KCNIP4: variants seen among roughly 807,000 people sequenced by gnomAD.
KCNIP4 encodes the protein potassium voltage-gated channel interacting protein 4, also known as Kv channel-interacting protein 4.
A neutral mutation model predicts 34.0 loss-of-function variants in KCNIP4; 12 were observed. That is an observed-to-expected ratio of 0.35 (90% confidence interval 0.23 to 0.57). KCNIP4 has a LOEUF of 0.57. Ranked by LOEUF, KCNIP4 falls within the 20% of genes least tolerant of loss-of-function variation. The pLI is 0.83. For synonymous variants in KCNIP4, 124 were observed against 102.2 expected, an observed-to-expected ratio of 1.21 and a Z score of -1.29; for missense variants, 238 against 311.7, an observed-to-expected ratio of 0.76 and a Z score of 1.78.
intron 1 of KCNIP4, among the ~76,000 whole-genome samples, chr4:21,689,198 A>C (rs182547733): frequency 6.6e-6 from 1 of 152,286 alleles, no homozygotes; most frequent in African/African-American, 2.4e-5. Context: ...AAGGCAAGTG[A>C]GTTTAAAAAT....
chr4:20,919,809 A>C (rs1729215561), intron 1 of KCNIP4, among the ~76,000 whole-genome samples: 1 of 151,794 alleles, frequency 6.6e-6, no homozygotes, highest in South Asian at 2.1e-4. Flanking sequence ...CAATAAATGT[A>C]TTTCTTTAAA....
intron 3 of KCNIP4, among the ~76,000 whole-genome samples, chr4:20,818,345 A>G (rs528922606): frequency 6.6e-6 from 1 of 152,314 alleles, no homozygotes; most frequent in African/African-American, 2.4e-5. Flanking sequence ...TTTAACCCAA[A>G]ATGACAGTCT....
intron 1 of KCNIP4, among the ~76,000 whole-genome samples, chr4:21,362,173 T>C (rs960174902): frequency 2.0e-5 from 3 of 152,092 alleles, no homozygotes; most frequent in African/African-American, 7.2e-5. Context: ...CAAAGAAATA[T>C]GTAAAATTCA....
At chr4:20,915,095 T>C (rs1020832032) in intron 1 of KCNIP4, among the ~76,000 whole-genome samples, 1 of 152,240 alleles carries the variant, frequency 6.6e-6, no homozygotes, top group Non-Finnish European at 1.5e-5. Flanking sequence ...ATGACTGTTT[T>C]ACTCATCAGT....
At chr4:20,748,341 C>G (rs1175677290) in intron 5 of KCNIP4, among the ~76,000 whole-genome samples, 1 of 151,932 alleles carries the variant, frequency 6.6e-6, no homozygotes, top group East Asian at 1.9e-4. Flanking sequence ...CATCCCATTC[C>G]AAGCCTTTGT....
intron 1 of KCNIP4, among the ~76,000 whole-genome samples, chr4:21,864,226 A>G (rs1725280321): frequency 6.6e-6 from 1 of 152,208 alleles, no homozygotes; most frequent in Non-Finnish European, 1.5e-5. Context: ...GTTAATTTCC[A>G]TGGATAATAC....
At chr4:21,895,556 A>T (rs1006275833) in intron 1 of KCNIP4, among the ~76,000 whole-genome samples, 3 of 152,162 alleles carry the variant, frequency 2.0e-5, no homozygotes, top group Non-Finnish European at 4.4e-5. Context: ...TCACCACAAG[A>T]ATTAAATAAG....
At chr4:20,790,419 T>C (rs1350660197) in intron 3 of KCNIP4, among the ~76,000 whole-genome samples, 1 of 152,224 alleles carries the variant, frequency 6.6e-6, no homozygotes, top group African/African-American at 2.4e-5. Flanking sequence ...TTTAGGTTAC[T>C]GTGACTTTTC....
chr4:21,360,275 A>G (rs529609456), intron 1 of KCNIP4, among the ~76,000 whole-genome samples: 2 of 152,194 alleles, frequency 1.3e-5, no homozygotes, highest in African/African-American at 4.8e-5. Flanking sequence ...TAAATTATCC[A>G]TTATATTCTA....
intron 1 of KCNIP4, among the ~76,000 whole-genome samples, chr4:20,973,346 T>G (rs184286709): frequency 1.4e-4 from 21 of 152,326 alleles, no homozygotes; most frequent in Admixed American, 7.2e-4. Context: ...AGCTTCAGAC[T>G]TTTCTTCTGT....
intron 1 of KCNIP4, among the ~76,000 whole-genome samples, chr4:21,412,324 G>T (rs1333210271): frequency 6.6e-6 from 1 of 152,058 alleles, no homozygotes; most frequent in Non-Finnish European, 1.5e-5. Context: ...CCTTTCCATG[G>T]ATTCCACATG....
chr4:21,620,016 T>C (rs1744893343), intron 1 of KCNIP4, among the ~76,000 whole-genome samples: 2 of 152,320 alleles, frequency 1.3e-5, no homozygotes, highest in East Asian at 3.9e-4. Flanking sequence ...ACCATTGTAC[T>C]CAATGTTTTG....
intron 1 of KCNIP4, among the ~76,000 whole-genome samples, chr4:21,770,220 T>C (rs1174157030): frequency 1.3e-5 from 2 of 152,164 alleles, no homozygotes; most frequent in African/African-American, 2.4e-5. Flanking sequence ...ACGTGGTGTT[T>C]GGTTTTCCAT....
chr4:21,270,827 A>G (rs1762095884), intron 1 of KCNIP4, among the ~76,000 whole-genome samples: 1 of 152,038 alleles, frequency 6.6e-6, no homozygotes. Context: ...TCTCTACTAA[A>G]AATTCAAAAA....
intron 1 of KCNIP4, among the ~76,000 whole-genome samples, chr4:21,748,957 A>T (rs996089159): frequency 1.3e-5 from 2 of 152,166 alleles, no homozygotes; most frequent in African/African-American, 4.8e-5. Flanking sequence ...TAATAACCAC[A>T]GTACAATACT....
chr4:20,742,128 T>C (rs777877122), intron 5 of KCNIP4, among the ~76,000 whole-genome samples: 2 of 152,202 alleles, frequency 1.3e-5, no homozygotes, highest in East Asian at 1.9e-4. Flanking sequence ...CACAGCTGAA[T>C]TCTACCAGAG....
At chr4:21,627,485 G>C (rs889337376) in intron 1 of KCNIP4, among the ~76,000 whole-genome samples, 4 of 151,902 alleles carry the variant, frequency 2.6e-5, no homozygotes, top group Admixed American at 1.3e-4. Flanking sequence ...CATAACTGCT[G>C]CTTAACACAT....
At chr4:21,564,132 C>T (rs1176895817) in intron 1 of KCNIP4, among the ~76,000 whole-genome samples, 1 of 152,118 alleles carries the variant, frequency 6.6e-6, no homozygotes. Context: ...CGGATCTCCC[C>T]TACATCCTGC....
intron 1 of KCNIP4, among the ~76,000 whole-genome samples, chr4:21,388,554 G>C (rs1722252039): frequency 6.6e-6 from 1 of 151,964 alleles, no homozygotes; most frequent in Non-Finnish European, 1.5e-5. Flanking sequence ...GAATTATATT[G>C]AGTGAATTCA....
Sources: allele counts gnomAD v4.1 joint callset (sites outside exome capture counted in the v4.1 genomes callset), GRCh38; gene constraint gnomAD v4.1.1; transcripts MANE v1.5; gene names NCBI Gene and HGNC (gene_info 2026-07-23, HGNC 2026-07-21).